PAXBP1: variants seen among roughly 807,000 people sequenced by gnomAD.
PAXBP1 encodes PAX3 and PAX7 binding protein 1, also known as PAX3- and PAX7-binding protein 1.
In PAXBP1, 44 loss-of-function variants were observed where a neutral mutation model predicts 119.9. That is an observed-to-expected ratio of 0.37 (90% CI 0.29 to 0.47). The LOEUF (loss-of-function observed/expected upper bound fraction) is 0.47. Ranked by LOEUF, PAXBP1 falls within the 20% of genes least tolerant of loss-of-function variation. The probability of loss-of-function intolerance (pLI) is 0.99; values close to 1 mark genes in which losing one functional copy is unlikely to be tolerated. For missense variants in PAXBP1, 898 were observed against 1,134.1 expected, an observed-to-expected ratio of 0.79 and a Z score of 2.99; for synonymous variants, 393 against 406.6, an observed-to-expected ratio of 0.97 and a Z score of 0.40.
intron 11 of PAXBP1, among the ~76,000 whole-genome samples, chr21:32,746,924 T>C (rs549500318): frequency 1.4e-4 from 22 of 152,296 alleles, no homozygotes; most frequent in African/African-American, 4.8e-4. Flanking sequence ...AACGAGGTCA[T>C]GTCCTTTGCA....
In PAXBP1 at chr21:32,759,241, T is replaced by C. The variant is rs1035593609; in HGVS notation, c.1222A>G (p.Thr408Ala). The part of the protein sequence containing the change: ...RLDSMKELHK[T>A]NRQQHEKHLQ... ...TGTTTCTCATGCTGCTGTCGATTTG[T>C]TTTGTGCAATTCTTTCATGGAGTCC... The change falls in exon 7 of 18, where the codon ACA becomes GCA. Residue 408 changes from threonine to alanine, a missense_variant. This residue lies in a region of PAXBP1 where 599 missense variants were observed against 852.7 expected (regional missense o/e 0.70). Transcript: ENST00000331923. 9 of 1,613,990 alleles carry C rather than the reference T, an allele frequency of 5.6e-6. No homozygotes were observed. The East Asian group carries it at 1.8e-4, about 32-fold the overall frequency.
chr21:32,737,353 A>G lies in PAXBP1; in HGVS notation c.2537T>C (p.Ile846Thr), dbSNP rs1273629935. ...TCGGCAAAAGTTTTCTAACTGAGAA[A>G]TAGTCCTTTCTCCTTTCAGATTCAT... ...WFMNLKGERT[I>T]SQLENFCRYL... Residue 846 changes from isoleucine (I) to threonine (T), a missense_variant, in exon 17 of 18, where the codon ATT becomes ACT. By Grantham distance (89) the Ile-to-Thr change is moderately conservative (BLOSUM62 -1). Coordinates refer to ENST00000331923, the MANE Select transcript of PAXBP1 (RefSeq NM_016631.4). 1 of 1,610,420 alleles carries G rather than the reference A, an allele frequency of 6.2e-7. No homozygotes were observed. The highest frequency in any genetic ancestry group is 2.2e-5 in the East Asian group (1 of 44,714).
In PAXBP1 at chr21:32,738,240, T is replaced by C; in HGVS notation, c.2414A>G (p.Asn805Ser). ...LQELSIDGLLNRYILMAFQNS... is the reference protein window; with the variant it reads ...LQELSIDGLLSRYILMAFQNS... ...CTGAAAAGCCATGAGAATATATCGA[T>C]TTAATAAACCATCTATTGATAACTC... The change falls in exon 16 of 18, where the codon AAT becomes AGT. Residue 805 changes from asparagine to serine, a missense_variant. Physicochemically the swap from Asn to Ser is conservative, Grantham distance 46. Transcript: ENST00000331923. 6.2e-7 allele frequency: 1 copy of C among 1,603,770 alleles called. No homozygotes were observed. Among genetic ancestry groups the C allele is most frequent in the Non-Finnish European group, 8.5e-7 (1 of 1,177,344 alleles).
chr21:32,745,481 A>AT, intron 12 of PAXBP1, 93 bp downstream of exon 12: 1 of 1,518,150 alleles, frequency 6.6e-7, no homozygotes, highest in South Asian at 1.2e-5. Flanking sequence ...TGTAATTTCT[A>AT]TAAGGAAACA....
At chr21:32,750,575 T>A (rs2043943335) in intron 10 of PAXBP1, among the ~76,000 whole-genome samples, 1 of 152,184 alleles carries the variant, frequency 6.6e-6, no homozygotes, top group Non-Finnish European at 1.5e-5. Flanking sequence ...CAGGGCTGAG[T>A]GCTCTACTGC....
At chr21:32,757,283 TTTTTG>T (rs887562715) in intron 7 of PAXBP1, among the ~76,000 whole-genome samples, 3 of 152,104 alleles carry the variant, frequency 2.0e-5, no homozygotes, top group African/African-American at 7.2e-5. Context: ...CAGCAGTACT[TTTTTG>T]TTTTTTCTTT....
At chr21:32,766,985 CCCTT>C (rs2146525124) in intron 2 of PAXBP1, among the ~76,000 whole-genome samples, 1 of 152,216 alleles carries the variant, frequency 6.6e-6, no homozygotes, top group East Asian at 1.9e-4. Flanking sequence ...TTTGGTAAAT[CCCTT>C]CCTCTACATG....
chr21:32,759,549 G>T, intron 6 of PAXBP1: 1 of 604,708 alleles, frequency 1.7e-6, no homozygotes, highest in South Asian at 2.1e-5. Flanking sequence ...ACTCAGAAAT[G>T]TCTTCAACAA....
rs1289268355 is a variant in PAXBP1 at position 32,750,975 on chromosome 21, G to A, written c.1665C>T (p.Gly555=). ...AAGTTTCTTCATCATCACTGGAAAG[G>A]CCTTCAAGGTGATCTGCCATCTTAC... is the stretch of plus-strand genomic sequence containing the variant. ...QTGKMADHLE[G]LSSDDEETST... Residue 555 remains glycine (G), a synonymous_variant, in exon 10 of 18, where the codon GGC becomes GGT. Transcript: ENST00000331923. 6.2e-7 allele frequency: 1 copy of A among 1,613,984 alleles called. No homozygotes were observed. The highest frequency in any genetic ancestry group is 1.7e-5 in the Admixed American group (1 of 59,986).
chr21:32,740,929 G>A (rs992118716), intron 15 of PAXBP1, among the ~76,000 whole-genome samples: 5 of 152,064 alleles, frequency 3.3e-5, no homozygotes, highest in African/African-American at 9.7e-5. Flanking sequence ...AAGATTTGAA[G>A]ACATTTCACC....
Position 32,771,647 on chromosome 21 carries a change from C to G in PAXBP1, c.22G>C (p.Val8Leu). Residue 8 changes from valine to leucine, a missense_variant, in exon 1 of 18, where the codon GTG (valine) becomes CTG (leucine). This residue lies in a region of PAXBP1 where 299 missense variants were observed against 281.4 expected (regional missense o/e 1.06). Transcript: ENST00000331923. ...GAGTCGTTCCGCTTGCGCACGTTCA[C>G]CCGCCGGGCCTTTCGGAACATCCCC... MFRKARR[V>L]NVRKRNDSEE... is the part of the protein sequence containing the mutation. The G allele has an allele frequency of 6.9e-7, 1 of 1,440,106 alleles. No individual in the cohort carries two copies. Among genetic ancestry groups the G allele is most frequent in the Non-Finnish European group, 9.1e-7 (1 of 1,098,578 alleles). The allele number at this position is 1,440,106 out of a possible 1,614,324, so 89.2% of individuals were successfully genotyped here. A position where few individuals can be genotyped will look rare whatever the true frequency, so the allele number is the denominator to read the frequency against.
chr21:32,747,030 A>G (rs1254114772), intron 11 of PAXBP1, among the ~76,000 whole-genome samples: 1 of 142,842 alleles, frequency 7.0e-6, no homozygotes, highest in Non-Finnish European at 1.5e-5. Flanking sequence ...GAGCTGAACA[A>G]TGAGAATATA....
intron 8 of PAXBP1, among the ~76,000 whole-genome samples, chr21:32,752,671 C>T (rs2043975117): frequency 1.3e-5 from 2 of 152,210 alleles, no homozygotes; most frequent in Non-Finnish European, 2.9e-5. Context: ...CGGAGTCTTG[C>T]TCTTGTCGCC....
At chr21:32,736,935 C>A (rs1277131512) in intron 17 of PAXBP1, among the ~76,000 whole-genome samples, 3 of 152,258 alleles carry the variant, frequency 2.0e-5, no homozygotes, top group East Asian at 3.9e-4. Context: ...GAATTTAAAT[C>A]TGCATAATGA....
rs760890744 is a variant in PAXBP1 at position 32,771,527 on chromosome 21, C to T, written c.142G>A (p.Asp48Asn). 37 of 1,345,686 alleles carry T rather than the reference C, an allele frequency of 2.7e-5. No homozygotes were observed. Among genetic ancestry groups the T allele is most frequent in the South Asian group, 1.5e-4 (8 of 54,612 alleles). 83.4% of individuals were successfully genotyped at this position (1,345,686 alleles called of 1,614,324 possible). The change falls in exon 1 of 18, where the codon GAC (aspartate) becomes AAC (asparagine). Residue 48 changes from aspartate to asparagine, a missense_variant. This residue lies in a region of PAXBP1 where 299 missense variants were observed against 281.4 expected (regional missense o/e 1.06). Coordinates refer to ENST00000331923, the MANE Select transcript of PAXBP1 (RefSeq NM_016631.4). ...AGCGACTCCCCGCCAGGGGCCCTGT[C>T]GCCGCCACCGGGGCCCGCCTCTTCG... is the stretch of plus-strand genomic sequence containing the variant. ...TGEEAGPGGG[D>N]RAPGGESLLG... is the part of the protein sequence containing the mutation.
At position 32,750,941 on chromosome 21, in the gene PAXBP1, T is replaced by C; in HGVS notation, c.1699A>G (p.Ile567Val). ...CCTTTTTCCAGATTGAAATTAGTAATATCTGTAGAAGTTTCTTCATCATCA... is the reference window on the plus strand; with the variant it reads ...CCTTTTTCCAGATTGAAATTAGTAACATCTGTAGAAGTTTCTTCATCATCA... ...SSDDEETSTDITNFNLEKDRI... is the reference protein window; with the variant it reads ...SSDDEETSTDVTNFNLEKDRI... The change falls in exon 10 of 18, where the codon ATT becomes GTT. Residue 567 changes from isoleucine (I) to valine (V), a missense_variant. Coordinates refer to ENST00000331923, the MANE Select transcript of PAXBP1 (RefSeq NM_016631.4). 1 of 1,612,704 alleles carries C rather than the reference T, an allele frequency of 6.2e-7. No homozygotes were observed. Among genetic ancestry groups the C allele is most frequent in the Non-Finnish European group, 8.5e-7 (1 of 1,179,456 alleles).
chr21:32,751,769 C>T (rs2043961600), intron 8 of PAXBP1: 1 of 152,320 alleles, frequency 6.6e-6, no homozygotes. Context: ...GGACCAACTT[C>T]CGCCTTCTCA....
chr21:32,751,124 G>C lies in PAXBP1; in HGVS notation c.1602C>G (p.Ala534=), dbSNP rs140791526. 75 of 1,613,520 alleles carry C rather than the reference G, an allele frequency of 4.6e-5. 1 individual carries two copies. In the African/African-American group the frequency reaches 8.1e-4, roughly 18 times the overall value. ...HAKRRIAERE[A]RRTRRRQARE... ...GCAAGGGTTTTGAGAATTACCTCCT[G>C]GCCTCCCGCTCTGCAATGCGACGTT... The change falls in exon 9 of 18, where the codon GCC becomes GCG. Residue 534 remains alanine (A), a synonymous_variant. Transcript: ENST00000331923.
chr21:32,771,697 TCGCTTCCACACCGCGGCCCCGGCAGCGC>T lies in PAXBP1; in HGVS notation c.-57_-30del. On this transcript the variant is annotated 5_prime_UTR_variant, in exon 1 of 18. Coordinates refer to ENST00000331923, the MANE Select transcript of PAXBP1 (RefSeq NM_016631.4). ...CGCGGCCCGCACGGCGGTCGAATAC[TCGCTTCCACACCGCGGCCCCGGCAGCGC>T]CGAGCTCGTGACGGCGCACGCGCGC... is the stretch of plus-strand genomic sequence containing the variant. 1 of 1,372,054 alleles carries T rather than the reference TCGCTTCCACACCGCGGCCCCGGCAGCGC, an allele frequency of 7.3e-7. No homozygotes were observed. 85.0% of individuals were successfully genotyped at this position (1,372,054 alleles called of 1,614,324 possible). A position where few individuals can be genotyped will look rare whatever the true frequency, so the allele number is the denominator to read the frequency against.
Sources: gnomAD v4.1 joint callset for allele counts (sites outside exome capture counted in the v4.1 genomes callset) on GRCh38, gnomAD v4.1.1 for gene constraint, gnomAD v4.1.1 regional missense constraint, MANE v1.5 for transcripts, NCBI Gene and HGNC (gene_info 2026-07-23, HGNC 2026-07-21) for gene names.